Variants in CHD3 observed in about 807,000 individuals in gnomAD.
CHD3 encodes the protein chromodomain helicase DNA binding protein 3.
CHD3 carries 52 observed loss-of-function variants against 248.9 expected under a neutral mutation model. That is an observed-to-expected ratio of 0.21 (90% CI 0.17 to 0.26). CHD3 has a LOEUF of 0.26. Ranked by LOEUF, CHD3 falls within the 10% of genes least tolerant of loss-of-function variation. CHD3 has a pLI of 1.00. For missense variants in CHD3, 1,482 were observed against 2,605.8 expected, an observed-to-expected ratio of 0.57 and a Z score of 9.39; for synonymous variants, 985 against 985.2, an observed-to-expected ratio of 1.00 and a Z score of 0.00.
At chr17:7,892,956 AT>A (rs1159842424) in intron 4 of CHD3, among the ~76,000 whole-genome samples, 1 of 151,326 alleles carries the variant, frequency 6.6e-6, no homozygotes, top group East Asian at 1.9e-4. Context: ...TTTTATTTTA[AT>A]TTTTTGTAGA....
At chr17:7,885,254 G>A, upstream of CHD3, 2 of 478,778 alleles carry the variant, frequency 4.2e-6, no homozygotes, top group Non-Finnish European at 5.4e-6. Flanking sequence ...GGCGGGCGGT[G>A]GCGGCTGCGA....
In CHD3 at chr17:7,907,625, G is replaced by A. The variant is rs758665200; in HGVS notation, c.4949G>A (p.Arg1650Lys). 5 of 1,521,524 alleles carry A rather than the reference G, an allele frequency of 3.3e-6. No individual in the cohort carries two copies. The South Asian group carries it at 5.2e-5, about 16-fold the overall frequency. The allele number at this position is 1,521,524 out of a possible 1,614,324, so 94.3% of individuals were successfully genotyped here. A position where few individuals can be genotyped will look rare whatever the true frequency, so the allele number is the denominator to read the frequency against. Residue 1650 changes from arginine (R) to lysine (K), a missense_variant, in exon 33 of 40, where the codon AGG (arginine) becomes AAG (lysine). Physicochemically the swap from Arg to Lys is conservative, Grantham distance 26. Transcript: ENST00000330494. The surrounding 1 kb of genome is among the most constrained non-coding windows in gnomAD (Gnocchi z 4.3). Reference protein sequence around the residue: ...KSATESTPGERGEEKPLDGQE... With the variant: ...KSATESTPGEKGEEKPLDGQE... ...GCCACAGAGTCGACGCCAGGAGAAA[G>A]GGGGGAGGAGAAGCCGTTGGATGGA... is the stretch of plus-strand genomic sequence containing the variant.
intron 8 of CHD3, 115 bp downstream of exon 8, chr17:7,894,723 G>A (rs1567844258): frequency 1.2e-5 from 16 of 1,339,750 alleles, no homozygotes; most frequent in Non-Finnish European, 1.7e-5. Context: ...AGTAACAGAT[G>A]TCCGAGTGTC....
In CHD3 at chr17:7,911,647, G is replaced by A. The variant is rs752285030; in HGVS notation, c.*62G>A. 2.5e-5 allele frequency: 40 copies of A among 1,609,228 alleles called. 1 individual carries two copies. The South Asian group carries it at 2.9e-4, about 12-fold the overall frequency. ...CCCGAGGCCGACCCCCAGCTCAAGC[G>A]CTGGGGCCTGCTGCCAGCCCTCCAC... On this transcript the variant is annotated 3_prime_UTR_variant, in exon 40 of 40. Transcript: ENST00000330494. The surrounding 1 kb of genome is among the most constrained non-coding windows in gnomAD (Gnocchi z 5.4).
chr17:7,889,162 A>G lies in CHD3; in HGVS notation c.100+62A>G. 3 of 1,607,472 alleles carry G rather than the reference A, an allele frequency of 1.9e-6. No homozygotes were observed. Among genetic ancestry groups the G allele is most frequent in the Non-Finnish European group, 2.6e-6 (3 of 1,175,140 alleles). ...CTTGGCAAAAGGATGTCAGGGCCCCAGGGTGTTAGTGTGAGAACCCAGGTG... is the reference window on the plus strand; with the variant it reads ...CTTGGCAAAAGGATGTCAGGGCCCCGGGGTGTTAGTGTGAGAACCCAGGTG... On this transcript the variant is annotated intron_variant, in intron 1 of 39. Transcript: ENST00000330494. The surrounding 1 kb of genome is among the most constrained non-coding windows in gnomAD (Gnocchi z 4.5).
chr17:7,895,204 C>G lies in CHD3; in HGVS notation c.1503+54C>G, dbSNP rs774619622. 6.3e-7 allele frequency: 1 copy of G among 1,592,342 alleles called. No homozygotes were observed. Among genetic ancestry groups the G allele is most frequent in the Non-Finnish European group, 8.6e-7 (1 of 1,166,678 alleles). On this transcript the variant is annotated intron_variant, in intron 9 of 39. Transcript: ENST00000330494. This position sits in a 1 kb window ranked among gnomAD's most constrained non-coding sequence, Gnocchi z 4.9. ...TACTGTCAGGCCTGATCCCTTCCCC[C>G]ATCCCTGGGGCCCACATGTCCAGCT...
chr17:7,891,553 T>C (rs1968859724), intron 4 of CHD3, among the ~76,000 whole-genome samples: 1 of 152,072 alleles, frequency 6.6e-6, no homozygotes, highest in Non-Finnish European at 1.5e-5. Flanking sequence ...AAGTAGAGAA[T>C]AGTAGAGTAG....
Position 7,908,939 on chromosome 17 carries a change from C to G in CHD3, c.5394+110C>G. ...TAACACCTTCAGGGCTGAGGTGATA[C>G]CTGGGGCCAAGACCAAAGTGTAACC... On this transcript the variant is annotated intron_variant, in intron 36 of 39. Coordinates refer to ENST00000330494, the MANE Select transcript of CHD3 (RefSeq NM_001005273.3). The surrounding 1 kb of genome is among the most constrained non-coding windows in gnomAD (Gnocchi z 5.8). 6.7e-7 allele frequency: 1 copy of G among 1,493,938 alleles called. No homozygotes were observed. The highest frequency in any genetic ancestry group is 9.2e-7 in the Non-Finnish European group (1 of 1,088,314). 92.5% of individuals were successfully genotyped at this position (1,493,938 alleles called of 1,614,324 possible).
Position 7,910,457 on chromosome 17 carries a change from G to A in CHD3, c.5620G>A (p.Asp1874Asn), listed in dbSNP as rs374915623. The A allele has an allele frequency of 1.9e-6, 3 of 1,614,032 alleles. No homozygotes were observed. The highest frequency in any genetic ancestry group is 1.3e-5 in the African/African-American group (1 of 74,988). The change falls in exon 38 of 40, where the codon GAC becomes AAC. Residue 1874 changes from aspartate (D) to asparagine (N), a missense_variant. Asp to Asn is a conservative substitution (Grantham distance 23, BLOSUM62 1). Around this residue, in one of 20 missense-constraint regions of CHD3, gnomAD observed 83 missense variants for 181.0 expected, o/e 0.46. Transcript: ENST00000330494. This position sits in a 1 kb window ranked among gnomAD's most constrained non-coding sequence, Gnocchi z 4.7. ...VLNQLEELLS[D>N]MKADVTRLPA... ...GAACCAGCTGGAGGAGTTGCTGAGC[G>A]ACATGAAGGCGGACGTGACCCGCCT...
Position 7,893,415 on chromosome 17 carries a change from G to GGCAGCAGCA in CHD3, c.648_656dup (p.Ala217_Ala219dup), listed in dbSNP as rs748472194. ...CAGCAGCTGCTGTGGCGGCGGCAGC[G>GGCAGCAGCA]GCAGCAGCAGCAGCAGCTGTAGCTG... is the stretch of plus-strand genomic sequence containing the variant. On this transcript the variant is annotated inframe_insertion, in exon 5 of 40. Coordinates refer to ENST00000330494, the MANE Select transcript of CHD3 (RefSeq NM_001005273.3). The GGCAGCAGCA allele has an allele frequency of 6.2e-7, 1 of 1,608,196 alleles. No individual in the cohort carries two copies. Among genetic ancestry groups the GGCAGCAGCA allele is most frequent in the Non-Finnish European group, 8.5e-7 (1 of 1,176,286 alleles).
chr17:7,902,907 G>T (rs1567860431), intron 21 of CHD3, 30 bp from the exon 22 acceptor site: 1 of 1,613,084 alleles, frequency 6.2e-7, no homozygotes, highest in Admixed American at 1.7e-5. Flanking sequence ...CCGGGTACAA[G>T]AAAAACCTGA....
Position 7,904,047 on chromosome 17 carries a change from T to C in CHD3, c.3894+56T>C, listed in dbSNP as rs1464613169. ...ATCCCAGGCCATCTCCAAAAGGCAGTATCCTTTACTCAGCCTTGAAGTAGG... is the reference window on the plus strand; with the variant it reads ...ATCCCAGGCCATCTCCAAAAGGCAGCATCCTTTACTCAGCCTTGAAGTAGG... On this transcript the variant is annotated intron_variant, in intron 24 of 39. Coordinates refer to ENST00000330494, the MANE Select transcript of CHD3 (RefSeq NM_001005273.3). The surrounding 1 kb of genome is among the most constrained non-coding windows in gnomAD (Gnocchi z 4.4). The C allele has an allele frequency of 1.3e-6, 2 of 1,571,808 alleles. No homozygotes were observed. Among genetic ancestry groups the C allele is most frequent in the Non-Finnish European group, 8.7e-7 (1 of 1,149,042 alleles).
chr17:7,893,486 C>T lies in CHD3; in HGVS notation c.710C>T (p.Ser237Phe). ...AVSSATPIAP[S>F]GPPALPPPPA... ...TCGTCGGCCACCCCCATAGCACCCTCCGGACCCCCCGCCCTTCCACCACCC... is the reference window on the plus strand; with the variant it reads ...TCGTCGGCCACCCCCATAGCACCCTTCGGACCCCCCGCCCTTCCACCACCC... Residue 237 changes from serine to phenylalanine, a missense_variant, in exon 5 of 40, where the codon TCC becomes TTC. This residue lies in a region of CHD3 where 149 missense variants were observed against 182.6 expected (regional missense o/e 0.82). Coordinates refer to ENST00000330494, the MANE Select transcript of CHD3 (RefSeq NM_001005273.3). The T allele has an allele frequency of 1.9e-6, 3 of 1,577,374 alleles. No homozygotes were observed. Among genetic ancestry groups the T allele is most frequent in the Non-Finnish European group, 2.6e-6 (3 of 1,153,398 alleles).
intron 4 of CHD3, among the ~76,000 whole-genome samples, chr17:7,892,013 C>T (rs1968939494): frequency 1.3e-5 from 2 of 152,178 alleles, no homozygotes; most frequent in African/African-American, 4.8e-5. Flanking sequence ...TCCTCAATTT[C>T]CTCTTCTATA....
chr17:7,905,116 C>T lies in CHD3; in HGVS notation c.4089C>T (p.Tyr1363=), dbSNP rs1970774293. The T allele has an allele frequency of 6.2e-7, 1 of 1,614,160 alleles. No individual in the cohort carries two copies. Among genetic ancestry groups the T allele is most frequent in the Non-Finnish European group, 8.5e-7 (1 of 1,179,992 alleles). Residue 1363 remains tyrosine (Y), a synonymous_variant, in exon 26 of 40, where the codon TAC becomes TAT. Coordinates refer to ENST00000330494, the MANE Select transcript of CHD3 (RefSeq NM_001005273.3). This position sits in a 1 kb window ranked among gnomAD's most constrained non-coding sequence, Gnocchi z 5.8. ...AQEDQDNQSE[Y]SVGSEEEDED... Reference sequence around the variant, plus strand: ...CCCCCACAGACAACCAGTCAGAGTACTCGGTGGGTTCAGAGGAGGAGGATG... The same window carrying T: ...CCCCCACAGACAACCAGTCAGAGTATTCGGTGGGTTCAGAGGAGGAGGATG...
At chr17:7,901,063 G>A in intron 19 of CHD3, 70 bp downstream of exon 19, 2 of 1,569,684 alleles carry the variant, frequency 1.3e-6, no homozygotes, top group Non-Finnish European at 1.7e-6. Flanking sequence ...GTAGTGGGGA[G>A]GTGGGTATTG....
Position 7,900,256 on chromosome 17 carries a change from C to T in CHD3, c.2683-34C>T. 1 of 1,613,450 alleles carries T rather than the reference C, an allele frequency of 6.2e-7. No individual in the cohort carries two copies. Among genetic ancestry groups the T allele is most frequent in the Non-Finnish European group, 8.5e-7 (1 of 1,179,826 alleles). ...GGTCGGTCACTTGTCACTAATAAGC[C>T]CATTTTCCTGCCTTGCCTTGCCCCA... On this transcript the variant is annotated intron_variant, in intron 16 of 39. Coordinates refer to ENST00000330494, the MANE Select transcript of CHD3 (RefSeq NM_001005273.3). The surrounding 1 kb of genome is among the most constrained non-coding windows in gnomAD (Gnocchi z 6.5).
rs756074044 is a variant in CHD3 at position 7,890,590 on chromosome 17, G to A, written c.233G>A (p.Gly78Asp). Residue 78 changes from glycine to aspartate, a missense_variant, in exon 3 of 40, where the codon GGT (glycine) becomes GAT (aspartate). Gly to Asp is a moderately conservative substitution (Grantham distance 94). This residue lies in a region of CHD3 where 169 missense variants were observed against 168.1 expected (regional missense o/e 1.01). Transcript: ENST00000330494. ...TCTTAGGACAGTGAGGAGGAATTTG[G>A]TTCTGAGCGAGATGAGTACCGGGAG... The part of the protein sequence containing the change: ...RKKRDSEEEF[G>D]SERDEYREKS... The A allele has an allele frequency of 3.8e-6, 6 of 1,591,678 alleles. No homozygotes were observed. Among genetic ancestry groups the A allele is most frequent in the Non-Finnish European group, 5.1e-6 (6 of 1,173,186 alleles).
chr17:7,902,091 C>T (rs1354775473), intron 20 of CHD3, among the ~76,000 whole-genome samples: 1 of 152,074 alleles, frequency 6.6e-6, no homozygotes, highest in Non-Finnish European at 1.5e-5. Flanking sequence ...TCTCAGAGAA[C>T]CTCTGCCTTA....
Sources: allele counts gnomAD v4.1 joint callset (sites outside exome capture counted in the v4.1 genomes callset), GRCh38; gene constraint gnomAD v4.1.1; regional missense constraint gnomAD v4.1.1; non-coding constraint Gnocchi (gnomAD v3.1); transcripts MANE v1.5; gene names NCBI Gene and HGNC (gene_info 2026-07-23, HGNC 2026-07-21).